TYW1: variants seen among roughly 807,000 people sequenced by gnomAD.
The protein encoded by TYW1 is S-adenosyl-L-methionine-dependent tRNA 4-demethylwyosine synthase TYW1.
In TYW1, 46 loss-of-function variants were observed where a neutral mutation model predicts 96.2. That is an observed-to-expected ratio of 0.48 (90% CI 0.38 to 0.61). The LOEUF (loss-of-function observed/expected upper bound fraction) is 0.61. TYW1 is among the 20% of genes least tolerant of loss of function. TYW1 has a pLI of 0.00. For synonymous variants in TYW1, 274 were observed against 323.0 expected (o/e 0.85, Z 1.63); for missense variants, 684 against 909.6 (o/e 0.75, Z 3.19).
rs1165666003 is a variant in TYW1 at position 67,146,005 on chromosome 7, A to G, written c.1698+28387A>G. Among the ~76,000 whole-genome samples, 8 of 152,308 alleles carry G rather than the reference A, an allele frequency of 5.3e-5. No homozygotes were observed. The East Asian group carries it at 9.7e-4, about 18-fold the overall frequency. On this transcript the variant is annotated intron_variant, in intron 13 of 15. Transcript: ENST00000359626. ...GGTCTTGAACTCCTGGGCTCAAGCA[A>G]TCTGCCCACCTGGACTTCGCAAAGT... is the stretch of plus-strand genomic sequence containing the variant.
At chr7:67,060,237 A>G (rs62466634) in intron 9 of TYW1, among the ~76,000 whole-genome samples, 6,073 of 150,460 alleles carry the variant, frequency 0.04, 180 homozygotes, top group Middle Eastern at 0.1. Flanking sequence ...CACCACTCCC[A>G]ACTAATTTTT....
chr7:67,086,713 A>G (rs1306552654), intron 11 of TYW1, among the ~76,000 whole-genome samples: 1 of 152,202 alleles, frequency 6.6e-6, no homozygotes, highest in Non-Finnish European at 1.5e-5. Context: ...CATCCACATT[A>G]TGACGGGCAA....
At chr7:67,227,699 A>T (rs922659153) in intron 15 of TYW1, among the ~76,000 whole-genome samples, 1 of 151,988 alleles carries the variant, frequency 6.6e-6, no homozygotes, top group Admixed American at 6.6e-5. Context: ...ACTGAGCTGC[A>T]GTAAAATCTT....
At chr7:67,171,598 G>C (rs10280559) in intron 13 of TYW1, among the ~76,000 whole-genome samples, 42,503 of 151,626 alleles carry the variant, frequency 0.28, 6,410 homozygotes, top group African/African-American at 0.4. Flanking sequence ...GTGACTATGG[G>C]TATGTTCATT....
chr7:67,096,975 G>A lies in TYW1; in HGVS notation c.1385-1566G>A, dbSNP rs572903427. On this transcript the variant is annotated intron_variant, in intron 11 of 15. Coordinates refer to ENST00000359626, the MANE Select transcript of TYW1 (RefSeq NM_018264.4). ...GAGCCCTTTAGAAATCCTGATGCAT[G>A]AGGCCCCTCCCCAGAGACTGTGATT... 1.6e-3 allele frequency among the ~76,000 whole-genome samples: 240 copies of A among 152,002 alleles called. 1 individual carries two copies. Among genetic ancestry groups the A allele is most frequent in the African/African-American group, 5.5e-3 (228 of 41,422 alleles).
chr7:67,050,181 A>G, intron 8 of TYW1, 115 bp downstream of exon 8: 1 of 1,226,640 alleles, frequency 8.2e-7, no homozygotes, highest in Non-Finnish European at 1.2e-6. Context: ...TGGCAGATAT[A>G]ACAGTCTAAA....
intron 13 of TYW1, among the ~76,000 whole-genome samples, chr7:67,140,485 A>G (rs1288965177): frequency 6.6e-6 from 1 of 152,210 alleles, no homozygotes; most frequent in Non-Finnish European, 1.5e-5. Context: ...AAATGTCCTA[A>G]ACATACTGAA....
chr7:67,236,880 G>A (rs1297554691), intron 15 of TYW1, among the ~76,000 whole-genome samples: 2 of 151,652 alleles, frequency 1.3e-5, no homozygotes, highest in African/African-American at 4.8e-5. Context: ...TTAGTTCATT[G>A]GAGTTTTCTT....
intron 10 of TYW1, among the ~76,000 whole-genome samples, chr7:67,068,391 C>T (rs1562994947): frequency 6.6e-6 from 1 of 152,232 alleles, no homozygotes; most frequent in Non-Finnish European, 1.5e-5. Flanking sequence ...TGCCAACTCA[C>T]ATCTCCATAG....
intron 6 of TYW1, among the ~76,000 whole-genome samples, chr7:67,024,560 T>C (rs530801706): frequency 6.6e-6 from 1 of 152,050 alleles, no homozygotes; most frequent in Non-Finnish European, 1.5e-5. Context: ...GTGGGTGGAT[T>C]ACCTGAGGTC....
At position 67,134,137 on chromosome 7, in the gene TYW1, T is replaced by C. The variant is rs6960398; in HGVS notation, c.1698+16519T>C. Among the ~76,000 whole-genome samples, 783 of 152,286 alleles carry C rather than the reference T, an allele frequency of 5.1e-3. 5 individuals carry two copies. The highest frequency in any genetic ancestry group is 0.018 in the African/African-American group (742 of 41,564). Reference sequence around the variant, plus strand: ...GCCGCGGATAGTGCTTTGCCTGTAGTATGCATTTAGTAAAAATAGGATTAA... The same window carrying C: ...GCCGCGGATAGTGCTTTGCCTGTAGCATGCATTTAGTAAAAATAGGATTAA... On this transcript the variant is annotated intron_variant, in intron 13 of 15. Transcript: ENST00000359626.
intron 13 of TYW1, among the ~76,000 whole-genome samples, chr7:67,153,327 A>G (rs1435992494): frequency 6.6e-6 from 1 of 152,170 alleles, no homozygotes; most frequent in Non-Finnish European, 1.5e-5. Flanking sequence ...GTTGTGGTGC[A>G]CATCTATAAT....
At chr7:67,092,706 G>A (rs1451164389) in intron 11 of TYW1, among the ~76,000 whole-genome samples, 1 of 109,214 alleles carries the variant, frequency 9.2e-6, no homozygotes, top group African/African-American at 3.6e-5. Context: ...TTTTTGAGAC[G>A]GAATCTCACC....
chr7:67,097,455 G>T (rs1334163579), intron 11 of TYW1, among the ~76,000 whole-genome samples: 1 of 152,210 alleles, frequency 6.6e-6, no homozygotes, highest in Non-Finnish European at 1.5e-5. Context: ...CTGGAGTGCG[G>T]TGGCACTGTC....
rs1246323547 is a variant in TYW1 at position 67,127,016 on chromosome 7, C to T, written c.1698+9398C>T. Among the ~76,000 whole-genome samples the T allele has an allele frequency of 2.0e-5, 3 of 151,682 alleles. No homozygotes were observed. The East Asian group carries it at 5.8e-4, about 29-fold the overall frequency. On this transcript the variant is annotated intron_variant, in intron 13 of 15. Transcript: ENST00000359626. ...GATTCCATTTTCTCTCTTTTCTTAG[C>T]ATATTAATCATACTTCACTTGTTGT...
intron 12 of TYW1, among the ~76,000 whole-genome samples, chr7:67,100,024 A>G (rs34262233): frequency 6.6e-6 from 1 of 152,038 alleles, no homozygotes; most frequent in East Asian, 1.9e-4. Context: ...GATGCTATTG[A>G]AGGATTGCTA....
intron 13 of TYW1, among the ~76,000 whole-genome samples, chr7:67,180,425 A>ATATTATT (rs1563058168): frequency 7.3e-5 from 5 of 68,636 alleles, no homozygotes; most frequent in Non-Finnish European, 1.5e-4. Flanking sequence ...TATATATATA[A>ATATTATT]TTTTTTTTTT....
At chr7:67,171,355 G>A (rs1472799063) in intron 13 of TYW1, among the ~76,000 whole-genome samples, 1 of 152,026 alleles carries the variant, frequency 6.6e-6, no homozygotes, top group Non-Finnish European at 1.5e-5. Flanking sequence ...TGTCTCCCGA[G>A]TTGTTTTTCT....
intron 13 of TYW1, among the ~76,000 whole-genome samples, chr7:67,123,544 A>G (rs1246834885): frequency 6.6e-6 from 1 of 152,334 alleles, no homozygotes; most frequent in South Asian, 2.1e-4. Flanking sequence ...TCTAGTGGAT[A>G]ATAGCTTCTA....
Sources: gnomAD v4.1 joint callset for allele counts (sites outside exome capture counted in the v4.1 genomes callset) on GRCh38, gnomAD v4.1.1 for gene constraint, MANE v1.5 for transcripts, NCBI Gene and HGNC (gene_info 2026-07-23, HGNC 2026-07-21) for gene names.